Variants in NHLH2 observed in about 807,000 individuals in gnomAD.
NHLH2 encodes helix-loop-helix protein 2.
A neutral mutation model predicts 7.3 loss-of-function variants in NHLH2; 7 were observed. The observed-to-expected ratio is 0.96, with a 90% confidence interval of 0.55 to 1.81. NHLH2 has a LOEUF of 1.81. NHLH2 is among the 40% of genes most tolerant of loss of function. The pLI, the probability that NHLH2 is intolerant of heterozygous loss-of-function variation, is 0.00. For synonymous variants in NHLH2, 93 were observed against 91.6 expected (o/e 1.01, Z -0.09); for missense variants, 155 against 194.0 (o/e 0.80, Z 1.19).
intron 2 of NHLH2, 70 bp from the exon 3 acceptor site, chr1:115,838,450 G>A (rs987380017): frequency 1.4e-5 from 21 of 1,514,712 alleles, no homozygotes; most frequent in Middle Eastern, 2.3e-4. Context: ...GGCTGCCGAG[G>A]CCTACCACGC....
rs1347897147 is a variant in NHLH2 at position 115,841,047 on chromosome 1, A to T, written c.-437T>A. The T allele has an allele frequency of 1.2e-5, 2 of 167,146 alleles. No individual in the cohort carries two copies. The highest frequency in any genetic ancestry group is 4.8e-5 in the African/African-American group (2 of 41,448). The allele number at this position is 167,146 out of a possible 1,614,324, so 10.4% of individuals were successfully genotyped here. A position where few individuals can be genotyped will look rare whatever the true frequency, so the allele number is the denominator to read the frequency against. On this transcript the variant is annotated 5_prime_UTR_variant, in exon 1 of 3. Transcript: ENST00000320238. ...GAGTAACAGTGACAAGGAAGCAGAG[A>T]AAGACGGGAAGAGGGTGGGAGAGCC...
downstream of NHLH2, among the ~76,000 whole-genome samples, chr1:115,836,085 T>C (rs1159073115): frequency 2.0e-5 from 3 of 152,196 alleles, no homozygotes; most frequent in Non-Finnish European, 4.4e-5. Flanking sequence ...GTTATTAAGT[T>C]TTCTTTTAGA....
rs1013451841 is a variant in NHLH2 at position 115,836,785 on chromosome 1, C to T, written c.*1180G>A. The T allele has an allele frequency of 6.6e-6, 1 of 152,066 alleles. No homozygotes were observed. The highest frequency in any genetic ancestry group is 1.5e-5 in the Non-Finnish European group (1 of 68,004). The allele number at this position is 152,066 out of a possible 1,614,324, so 9.4% of individuals were successfully genotyped here. The stretch of plus-strand genomic sequence containing the variant: ...CTTATAAACAGCTTGTAAAGGACTT[C>T]TCAGACATAACTACAGATAAGAATA... On this transcript the variant is annotated 3_prime_UTR_variant, in exon 3 of 3. Coordinates refer to ENST00000320238, the MANE Select transcript of NHLH2 (RefSeq NM_005599.3).
At chr1:115,832,186 TG>T (rs1389211463), downstream of NHLH2, among the ~76,000 whole-genome samples, 1 of 152,232 alleles carries the variant, frequency 6.6e-6, no homozygotes, top group Non-Finnish European at 1.5e-5. Flanking sequence ...AGGCATAGAC[TG>T]GGCCTTTATC....
intron 2 of NHLH2, chr1:115,838,664 C>G (rs1458723288): frequency 2.6e-6 from 1 of 378,610 alleles, no homozygotes; most frequent in Non-Finnish European, 4.8e-6. Context: ...GGCCTGTGGC[C>G]CTGGGCCTGG....
chr1:115,840,469 A>T lies in NHLH2; in HGVS notation c.-262T>A, dbSNP rs1005791273. 1.2e-5 allele frequency: 2 copies of T among 166,966 alleles called. No homozygotes were observed. Among genetic ancestry groups the T allele is most frequent in the Non-Finnish European group, 2.9e-5 (2 of 68,124 alleles). 10.3% of individuals were successfully genotyped at this position (166,966 alleles called of 1,614,324 possible). On this transcript the variant is annotated 5_prime_UTR_variant, in exon 2 of 3. It removes an upstream start codon present in the reference 5' UTR. Transcript: ENST00000320238. Reference sequence around the variant, plus strand: ...TTTTTCCTTTTAATTGTTCTCAAACATTGCAAGAAATTCGTTGATGATTTT... The same window carrying T: ...TTTTTCCTTTTAATTGTTCTCAAACTTTGCAAGAAATTCGTTGATGATTTT...
chr1:115,839,823 A>G (rs1396404071), intron 2 of NHLH2: 1 of 167,090 alleles, frequency 6.0e-6, no homozygotes, highest in Non-Finnish European at 1.5e-5. Flanking sequence ...AATTGGGCCA[A>G]AACAGCTTTA....
downstream of NHLH2, among the ~76,000 whole-genome samples, chr1:115,833,807 AT>A (rs956440944): frequency 5.3e-5 from 8 of 152,222 alleles, no homozygotes; most frequent in African/African-American, 1.7e-4. Flanking sequence ...GGAAAAGGGT[AT>A]TGGCTGTGCA....
At chr1:115,834,505 A>C (rs1650820550), downstream of NHLH2, among the ~76,000 whole-genome samples, 1 of 152,216 alleles carries the variant, frequency 6.6e-6, no homozygotes, top group African/African-American at 2.4e-5. Flanking sequence ...ATGAGCACTC[A>C]GAACATTTTA....
chr1:115,838,202 G>T lies in NHLH2; in HGVS notation c.171C>A (p.Tyr57Ter). 1 of 1,565,492 alleles carries T rather than the reference G, an allele frequency of 6.4e-7. No individual in the cohort carries two copies. The highest frequency in any genetic ancestry group is 2.4e-5 in the East Asian group (1 of 42,064). ...CGCGGCTCAGCTGCTGCGGGTGCGG[G>T]TAGAGCGCGGCTCGGCTGCCGCCCT... Reference protein sequence around the residue: ...DGKGGSRAALYPHPQQLSREE... With the variant: ...DGKGGSRAAL The change falls in exon 3 of 3, where the codon TAC (tyrosine) becomes TAA (stop). Residue 57 changes from tyrosine (Y) to a stop codon, truncating the protein, a stop_gained. Coordinates refer to ENST00000320238, the MANE Select transcript of NHLH2 (RefSeq NM_005599.3). LOFTEE classifies it high-confidence loss of function.
chr1:115,834,904 C>A (rs1056608984), downstream of NHLH2, among the ~76,000 whole-genome samples: 4 of 152,118 alleles, frequency 2.6e-5, no homozygotes, highest in African/African-American at 9.7e-5. Flanking sequence ...AAAGAAGAAT[C>A]GAGACCTCAT....
Position 115,838,332 on chromosome 1 carries a change from G to T in NHLH2, c.41C>A (p.Pro14His). The change falls in exon 3 of 3, where the codon CCC becomes CAC. Residue 14 changes from proline to histidine, a missense_variant. Physicochemically the swap from Pro to His is moderately conservative, Grantham distance 77. Transcript: ENST00000320238. The stretch of plus-strand genomic sequence containing the variant: ...CTCCGGATCCGAGTGCGCCGAGCTG[G>T]GATGGTCCGAATCTGCTGCTTGGTC... ...SPDQAADSDH[P>H]SSAHSDPESL... 1 of 1,609,592 alleles carries T rather than the reference G, an allele frequency of 6.2e-7. No individual in the cohort carries two copies. The highest frequency in any genetic ancestry group is 8.5e-7 in the Non-Finnish European group (1 of 1,179,388).
chr1:115,839,029 T>C (rs1336931471), intron 2 of NHLH2: 2 of 167,096 alleles, frequency 1.2e-5, no homozygotes, highest in African/African-American at 2.4e-5. Context: ...CCCTCGCGCT[T>C]CTCCGAAATC....
chr1:115,833,539 G>T (rs1368891279), downstream of NHLH2, among the ~76,000 whole-genome samples: 1 of 152,204 alleles, frequency 6.6e-6, no homozygotes, highest in Admixed American at 6.5e-5. Context: ...TCTAGAGGAT[G>T]ATGGGTAGGG....
chr1:115,836,137 T>C (rs925470742), downstream of NHLH2, among the ~76,000 whole-genome samples: 1 of 152,200 alleles, frequency 6.6e-6, no homozygotes, highest in Non-Finnish European at 1.5e-5. Context: ...ATATAAACAC[T>C]ATACTTCTTT....
rs913209063 is a variant in NHLH2 at position 115,840,434 on chromosome 1, T to A, written c.-227A>T. 4 of 167,066 alleles carry A rather than the reference T, an allele frequency of 2.4e-5. No individual in the cohort carries two copies. Among genetic ancestry groups the A allele is most frequent in the Admixed American group, 1.3e-4 (2 of 15,304 alleles). The allele number at this position is 167,066 out of a possible 1,614,324, so 10.3% of individuals were successfully genotyped here. A position where few individuals can be genotyped will look rare whatever the true frequency, so the allele number is the denominator to read the frequency against. On this transcript the variant is annotated 5_prime_UTR_variant, in exon 2 of 3. Transcript: ENST00000320238. The stretch of plus-strand genomic sequence containing the variant: ...TTGTTCACTTAGTTGATAGATTTTT[T>A]AAAAAACGCTTTTTCCTTTTAATTG...
chr1:115,840,384 C>T lies in NHLH2; in HGVS notation c.-177G>A, dbSNP rs781232695. The T allele has an allele frequency of 1.2e-5, 2 of 167,106 alleles. No homozygotes were observed. The highest frequency in any genetic ancestry group is 4.8e-5 in the African/African-American group (2 of 41,556). The allele number at this position is 167,106 out of a possible 1,614,324, so 10.4% of individuals were successfully genotyped here. On this transcript the variant is annotated 5_prime_UTR_variant, in exon 2 of 3. Coordinates refer to ENST00000320238, the MANE Select transcript of NHLH2 (RefSeq NM_005599.3). ...TGTCCGCAGCGAGGGACAATAATAT[C>T]TCAGGATGTAGACGATATGAATGAT...
At position 115,836,834 on chromosome 1, in the gene NHLH2, T is replaced by C. The variant is rs965127836; in HGVS notation, c.*1131A>G. On this transcript the variant is annotated 3_prime_UTR_variant, in exon 3 of 3. Transcript: ENST00000320238. Reference sequence around the variant, plus strand: ...TAATACACTTTTTAAAAAACTATAATAGTGAAGTGCTAGTGTTGCTGATCT... The same window carrying C: ...TAATACACTTTTTAAAAAACTATAACAGTGAAGTGCTAGTGTTGCTGATCT... 3 of 152,126 alleles carry C rather than the reference T, an allele frequency of 2.0e-5. No individual in the cohort carries two copies. Among genetic ancestry groups the C allele is most frequent in the Non-Finnish European group, 4.4e-5 (3 of 68,020 alleles). 9.4% of individuals were successfully genotyped at this position (152,126 alleles called of 1,614,324 possible).
Position 115,837,669 on chromosome 1 carries a change from T to G in NHLH2, c.*296A>C, listed in dbSNP as rs867061554. On this transcript the variant is annotated 3_prime_UTR_variant, in exon 3 of 3. Transcript: ENST00000320238. Reference sequence around the variant, plus strand: ...TCCAGTGGGTTAAAACCACAACCCTTGGGGAGCCCCAGAAGTGGCTCATCT... The same window carrying G: ...TCCAGTGGGTTAAAACCACAACCCTGGGGGAGCCCCAGAAGTGGCTCATCT... 67 of 415,524 alleles carry G rather than the reference T, an allele frequency of 1.6e-4. No individual in the cohort carries two copies. The highest frequency in any genetic ancestry group is 9.4e-4 in the African/African-American group (44 of 46,584). 25.7% of individuals were successfully genotyped at this position (415,524 alleles called of 1,614,324 possible).
Sources: allele counts gnomAD v4.1 joint callset (sites outside exome capture counted in the v4.1 genomes callset), GRCh38; gene constraint gnomAD v4.1.1; transcripts MANE v1.5; gene names NCBI Gene and HGNC (gene_info 2026-07-23, HGNC 2026-07-21).